The following ANO4 variants were observed in gnomAD, a reference collection of about 807,000 sequenced individuals.
The protein encoded by ANO4 is anoctamin 4, also known as anoctamin-4.
Under a neutral mutation model 141.9 loss-of-function variants are expected in ANO4, and 69 were observed. The ratio of observed to expected loss-of-function variants is 0.49; its 90% CI spans 0.40 to 0.59. The LOEUF (loss-of-function observed/expected upper bound fraction) is 0.59, where lower values mean the gene tolerates loss of function less well. Ranked by LOEUF, ANO4 falls within the 20% of genes least tolerant of loss-of-function variation. The probability of loss-of-function intolerance (pLI) is 0.00; values close to 1 mark genes in which losing one functional copy is unlikely to be tolerated. For missense variants in ANO4, 894 were observed against 1,162.2 expected, an observed-to-expected ratio of 0.77 and a Z score of 3.36; for synonymous variants, 350 against 394.3, an observed-to-expected ratio of 0.89 and a Z score of 1.33.
chr12:100,832,545 G>A (rs1003559097), intron 1 of ANO4, among the ~76,000 whole-genome samples: 3 of 152,076 alleles, frequency 2.0e-5, no homozygotes, highest in African/African-American at 7.2e-5. Context: ...TGGTTTCTTG[G>A]AAACGTGTAA....
At chr12:100,748,153 T>C (rs1396003366) in intron 3 of ANO4, among the ~76,000 whole-genome samples, 2 of 152,210 alleles carry the variant, frequency 1.3e-5, no homozygotes, top group Non-Finnish European at 2.9e-5. Context: ...GTTATGTTGC[T>C]ATGAATTTGC....
At chr12:100,872,011 A>G (rs1421812539) in intron 1 of ANO4, among the ~76,000 whole-genome samples, 1 of 152,230 alleles carries the variant, frequency 6.6e-6, no homozygotes, top group Non-Finnish European at 1.5e-5. Context: ...ATGCCATTGC[A>G]TTTATATATG....
At chr12:100,773,721 T>G (rs921418327) in intron 3 of ANO4, among the ~76,000 whole-genome samples, 1 of 152,334 alleles carries the variant, frequency 6.6e-6, no homozygotes, top group Non-Finnish European at 1.5e-5. Context: ...AAACCCAACT[T>G]TATTGTGAAA....
At chr12:100,976,318 G>C (rs2044191108) in intron 7 of ANO4, among the ~76,000 whole-genome samples, 1 of 152,194 alleles carries the variant, frequency 6.6e-6, no homozygotes, top group Admixed American at 6.5e-5. Flanking sequence ...TGTTTACTCA[G>C]TGAAGTACAG....
At chr12:100,796,125 T>C (rs1262401297) in intron 1 of ANO4, among the ~76,000 whole-genome samples, 1 of 152,016 alleles carries the variant, frequency 6.6e-6, no homozygotes, top group East Asian at 1.9e-4. Context: ...TGTAATTCTA[T>C]TTAGTTATTT....
chr12:100,838,708 T>A (rs1311574270), intron 1 of ANO4, among the ~76,000 whole-genome samples: 1 of 151,834 alleles, frequency 6.6e-6, no homozygotes, highest in African/African-American at 2.4e-5. Flanking sequence ...TTCAAAGGAG[T>A]TCGATGTTTT....
intron 1 of ANO4, among the ~76,000 whole-genome samples, chr12:100,861,104 C>G (rs1011484105): frequency 6.6e-6 from 1 of 152,166 alleles, no homozygotes; most frequent in Non-Finnish European, 1.5e-5. Context: ...CACCCATGTC[C>G]TGCTGATTGG....
chr12:100,948,202 A>G (rs1029289796), intron 5 of ANO4, among the ~76,000 whole-genome samples: 14 of 151,204 alleles, frequency 9.3e-5, no homozygotes, highest in Non-Finnish European at 1.9e-4. Context: ...CTGAGAAGAC[A>G]AGTAGTGTTA....
chr12:101,015,094 A>G (rs2136464995), intron 8 of ANO4, among the ~76,000 whole-genome samples: 1 of 151,942 alleles, frequency 6.6e-6, no homozygotes, highest in African/African-American at 2.4e-5. Context: ...AAGTGCTGGG[A>G]TTGCAGGCAT....
intron 1 of ANO4, among the ~76,000 whole-genome samples, chr12:100,851,354 T>G (rs1459441403): frequency 6.6e-6 from 1 of 152,194 alleles, no homozygotes; most frequent in East Asian, 1.9e-4. Context: ...TATCTATCCC[T>G]GCCTATCCTT....
chr12:100,817,329 C>T (rs1346167679), intron 1 of ANO4, among the ~76,000 whole-genome samples: 3 of 151,804 alleles, frequency 2.0e-5, no homozygotes, highest in Non-Finnish European at 2.9e-5. Context: ...TTCCAGCAGA[C>T]ACAACCTAGA....
At chr12:100,739,716 C>G in intron 2 of ANO4, 1 of 625,540 alleles carries the variant, frequency 1.6e-6, no homozygotes, top group South Asian at 1.8e-5. Context: ...ATGATGCCTG[C>G]CTGTTTATTA....
At chr12:100,969,393 C>T (rs2043822073) in intron 5 of ANO4, among the ~76,000 whole-genome samples, 1 of 152,194 alleles carries the variant, frequency 6.6e-6, no homozygotes. Flanking sequence ...GTGCCTCCCA[C>T]TACTGATGGG....
intron 24 of ANO4, among the ~76,000 whole-genome samples, chr12:101,116,144 T>C (rs2050841759): frequency 6.6e-6 from 1 of 152,014 alleles, no homozygotes; most frequent in Non-Finnish European, 1.5e-5. Context: ...TTTCCACTTG[T>C]AAAGGAAGAG....
chr12:101,097,809 C>T (rs1650324675), intron 20 of ANO4, 39 bp from the exon 21 acceptor site: 2 of 1,608,210 alleles, frequency 1.2e-6, no homozygotes, highest in African/African-American at 1.3e-5. Flanking sequence ...TTCTTCCTCT[C>T]CATTGATTCT....
intron 22 of ANO4, among the ~76,000 whole-genome samples, chr12:101,101,476 G>A (rs1002969504): frequency 8.6e-5 from 13 of 151,944 alleles, no homozygotes; most frequent in Admixed American, 2.0e-4. Context: ...GGGTTTTTCT[G>A]TTTGTTTGTT....
At chr12:100,786,416 C>A (rs2033875164) in intron 3 of ANO4, among the ~76,000 whole-genome samples, 1 of 152,106 alleles carries the variant, frequency 6.6e-6, no homozygotes, top group Non-Finnish European at 1.5e-5. Context: ...CAGTCTTGCC[C>A]TACTTCTTCA....
chr12:101,003,705 G>A (rs2136413606), intron 8 of ANO4, among the ~76,000 whole-genome samples: 1 of 152,120 alleles, frequency 6.6e-6, no homozygotes, highest in East Asian at 1.9e-4. Context: ...ATAAGTTCTG[G>A]TGATCTATTG....
chr12:100,975,315 C>T (rs1024969600), intron 7 of ANO4, among the ~76,000 whole-genome samples: 6 of 152,020 alleles, frequency 3.9e-5, no homozygotes, highest in Non-Finnish European at 5.9e-5. Context: ...CCCTCGCCCC[C>T]TCTTTTTAGC....
Sources: gnomAD v4.1 joint callset for allele counts (sites outside exome capture counted in the v4.1 genomes callset) on GRCh38, gnomAD v4.1.1 for gene constraint, MANE v1.5 for transcripts, NCBI Gene and HGNC (gene_info 2026-07-23, HGNC 2026-07-21) for gene names.